Variants in STARD13 observed in about 807,000 individuals in gnomAD.
The protein encoded by STARD13 is StAR related lipid transfer domain containing 13.
Under a neutral mutation model 106.4 loss-of-function variants are expected in STARD13, and 62 were observed. That is an observed-to-expected ratio of 0.58 (90% CI 0.48 to 0.72). STARD13 has a LOEUF of 0.72. STARD13 is among the 30% of genes least tolerant of loss of function. The probability of loss-of-function intolerance (pLI) is 0.00; values close to 1 mark genes in which losing one functional copy is unlikely to be tolerated. For synonymous variants in STARD13, 565 were observed against 553.0 expected (o/e 1.02, Z -0.31); for missense variants, 1,387 against 1,424.0 (o/e 0.97, Z 0.42).
chr13:33,662,854 A>G, the STARD13 span, among the ~76,000 whole-genome samples: 1 of 152,232 alleles, frequency 6.6e-6, no homozygotes, highest in East Asian at 1.9e-4. Context: ...AAATATAAAA[A>G]GCTAATGAAT....
the STARD13 span, among the ~76,000 whole-genome samples, chr13:33,615,731 G>C: frequency 6.6e-6 from 1 of 152,188 alleles, no homozygotes; most frequent in Admixed American, 6.5e-5. Flanking sequence ...CAGTGTTAGA[G>C]ATATCATCAT....
At chr13:33,288,419 C>T (rs1199811500), upstream of STARD13, among the ~76,000 whole-genome samples, 1 of 151,524 alleles carries the variant, frequency 6.6e-6, no homozygotes. Flanking sequence ...TCCAGGTGCA[C>T]ACCATCACAC....
At chr13:33,123,699 C>T (rs1484831597) in intron 7 of STARD13, among the ~76,000 whole-genome samples, 1 of 152,232 alleles carries the variant, frequency 6.6e-6, no homozygotes, top group African/African-American at 2.4e-5. Flanking sequence ...CACTCTGTTG[C>T]ATCATATAGA....
intron 6 of STARD13, among the ~76,000 whole-genome samples, chr13:33,126,493 A>G (rs915164046): frequency 6.6e-6 from 1 of 152,226 alleles, no homozygotes; most frequent in Admixed American, 6.5e-5. Flanking sequence ...TTTCAGGTCA[A>G]GTGGACAACT....
the STARD13 span, among the ~76,000 whole-genome samples, chr13:33,429,294 A>ATGG: frequency 0.043 from 6,594 of 152,216 alleles, 454 homozygotes; most frequent in African/African-American, 0.15. Context: ...CAACAGATGG[A>ATGG]GTAAAGAAAA....
At chr13:33,439,136 G>A in the STARD13 span, among the ~76,000 whole-genome samples, 1 of 152,312 alleles carries the variant, frequency 6.6e-6, no homozygotes, top group East Asian at 1.9e-4. Context: ...CAAATGAAAA[G>A]TACAACAACA....
At chr13:33,459,791 T>A in the STARD13 span, among the ~76,000 whole-genome samples, 1 of 152,234 alleles carries the variant, frequency 6.6e-6, no homozygotes, top group Non-Finnish European at 1.5e-5. Context: ...AAACCAGTCA[T>A]TATTTCATGT....
At chr13:33,154,695 G>A (rs2032504) in intron 3 of STARD13, among the ~76,000 whole-genome samples, 19,450 of 152,118 alleles carry the variant, frequency 0.13, 1,541 homozygotes, top group East Asian at 0.28. Flanking sequence ...ATATTCACAT[G>A]TGCTTGTATT....
intron 1 of STARD13, among the ~76,000 whole-genome samples, chr13:33,336,970 C>A (rs1594279129): frequency 2.0e-5 from 3 of 151,974 alleles, no homozygotes; most frequent in East Asian, 3.9e-4. Context: ...CAACATAATA[C>A]TTCACATTAA....
chr13:33,118,479 GAGTA>G (rs1875748416), intron 7 of STARD13, among the ~76,000 whole-genome samples: 1 of 152,224 alleles, frequency 6.6e-6, no homozygotes, highest in Non-Finnish European at 1.5e-5. Context: ...TTACTGTGGA[GAGTA>G]AGTGAGGAAA....
chr13:33,222,240 A>G (rs1196626422), intron 1 of STARD13, among the ~76,000 whole-genome samples: 2 of 152,150 alleles, frequency 1.3e-5, no homozygotes, highest in African/African-American at 4.8e-5. Flanking sequence ...AGGAAGATAC[A>G]CTGCATGAGG....
At chr13:33,674,793 C>T in the STARD13 span, among the ~76,000 whole-genome samples, 3 of 151,876 alleles carry the variant, frequency 2.0e-5, no homozygotes, top group African/African-American at 7.3e-5. Context: ...TTTTGTTTCC[C>T]CCCTATTATT....
chr13:33,184,060 T>A (rs936539045), intron 1 of STARD13, among the ~76,000 whole-genome samples: 1 of 152,232 alleles, frequency 6.6e-6, no homozygotes, highest in Non-Finnish European at 1.5e-5. Context: ...TAGTCGGGCC[T>A]GCCTATAAAG....
intron 1 of STARD13, among the ~76,000 whole-genome samples, chr13:33,303,606 C>T (rs1327961896): frequency 6.6e-6 from 1 of 152,172 alleles, no homozygotes; most frequent in Non-Finnish European, 1.5e-5. Context: ...TGAAGTCACA[C>T]AAGGTATATT....
At chr13:33,486,147 C>A in the STARD13 span, among the ~76,000 whole-genome samples, 2 of 152,076 alleles carry the variant, frequency 1.3e-5, no homozygotes, top group African/African-American at 2.4e-5. Flanking sequence ...GATTTGGACC[C>A]AGAGACTCCT....
the STARD13 span, among the ~76,000 whole-genome samples, chr13:33,425,103 T>C: frequency 1.3e-5 from 2 of 152,198 alleles, no homozygotes; most frequent in Admixed American, 1.3e-4. Context: ...GAACAAAAAC[T>C]GTAGCCTCAC....
At chr13:33,225,091 C>A (rs1888553787) in intron 1 of STARD13, among the ~76,000 whole-genome samples, 1 of 152,024 alleles carries the variant, frequency 6.6e-6, no homozygotes, top group Non-Finnish European at 1.5e-5. Context: ...AGATATATTT[C>A]TTTCTTTCTA....
At chr13:33,158,375 T>C (rs184266128) in intron 3 of STARD13, among the ~76,000 whole-genome samples, 1 of 152,338 alleles carries the variant, frequency 6.6e-6, no homozygotes, top group Admixed American at 6.5e-5. Flanking sequence ...TCACTATCTA[T>C]CTACTCAGGA....
At chr13:33,191,240 T>G (rs1197437480) in intron 1 of STARD13, among the ~76,000 whole-genome samples, 1 of 152,210 alleles carries the variant, frequency 6.6e-6, no homozygotes, top group East Asian at 1.9e-4. Context: ...TTAATTTAAT[T>G]TTTAAAAAAC....
Sources: gnomAD v4.1 joint callset for allele counts (sites outside exome capture counted in the v4.1 genomes callset) on GRCh38, gnomAD v4.1.1 for gene constraint, MANE v1.5 for transcripts, NCBI Gene and HGNC (gene_info 2026-07-23, HGNC 2026-07-21) for gene names.